CLU: variants seen among roughly 807,000 people sequenced by gnomAD.
CLU encodes the protein clusterin, also known as aging-associated protein 4.
CLU carries 25 observed loss-of-function variants against 46.4 expected under a neutral mutation model. That is an observed-to-expected ratio of 0.54 (90% confidence interval 0.39 to 0.75). CLU has a LOEUF of 0.75. Ranked by LOEUF, CLU falls within the 30% of genes least tolerant of loss-of-function variation. CLU has a pLI of 0.00. For missense variants in CLU, 504 were observed against 592.1 expected (o/e 0.85, Z 1.54); for synonymous variants, 235 against 235.1 (o/e 1.00, Z 0.00).
In CLU at chr8:27,605,242, G is replaced by A; in HGVS notation, c.511C>T (p.His171Tyr). ...TGGTCCTGCATGACATCCAGCATGTGCGTCTGCTGCCGGTCGTTCTCCAGC... is the reference window on the plus strand; with the variant it reads ...TGGTCCTGCATGACATCCAGCATGTACGTCTGCTGCCGGTCGTTCTCCAGC... ...SLLENDRQQT[H>Y]MLDVMQDHFS... The change falls in exon 5 of 9, where the codon CAC becomes TAC. Residue 171 changes from histidine to tyrosine, a missense_variant. Coordinates refer to ENST00000316403, the MANE Select transcript of CLU (RefSeq NM_001831.4). 1.2e-6 allele frequency: 2 copies of A among 1,614,208 alleles called. No individual in the cohort carries two copies. The highest frequency in any genetic ancestry group is 1.7e-6 in the Non-Finnish European group (2 of 1,180,030).
chr8:27,600,074 A>G, intron 6 of CLU, 65 bp from the exon 7 acceptor site: 1 of 1,247,730 alleles, frequency 8.0e-7, no homozygotes, highest in Non-Finnish European at 1.2e-6. Context: ...GGATAGAACC[A>G]TGAATGAATG....
intron 3 of CLU, 141 bp from the exon 4 acceptor site, chr8:27,606,665 CTCCAGTTCAAGCT>C (rs1472632388): frequency 6.5e-5 from 61 of 936,184 alleles, no homozygotes; most frequent in Admixed American, 3.2e-4. Flanking sequence ...CCTACCCTTG[CTCCAGTTCAAGCT>C]TCCCCTCATT....
At chr8:27,611,288 T>G in intron 1 of CLU, 1 of 454,774 alleles carries the variant, frequency 2.2e-6, no homozygotes, top group Non-Finnish European at 4.4e-6. Context: ...ACAATTCCCT[T>G]CGGAGAGTAG....
chr8:27,597,702 C>G lies in CLU; in HGVS notation c.*539G>C. On this transcript the variant is annotated 3_prime_UTR_variant, in exon 9 of 9. Transcript: ENST00000316403. ...TCGCACCTTGGTCAGAATACATCGA[C>G]AGTTTTATAATAGAACAGAAAAGCT... 1 of 454,192 alleles carries G rather than the reference C, an allele frequency of 2.2e-6. No individual in the cohort carries two copies. The highest frequency in any genetic ancestry group is 4.4e-6 in the Non-Finnish European group (1 of 226,882). The allele number at this position is 454,192 out of a possible 1,614,324, so 28.1% of individuals were successfully genotyped here.
intron 1 of CLU, among the ~76,000 whole-genome samples, chr8:27,613,244 G>A (rs539212908): frequency 1.2e-4 from 18 of 152,166 alleles, no homozygotes; most frequent in East Asian, 3.9e-4. Flanking sequence ...AAAATTAGCC[G>A]GATGTAGCAG....
chr8:27,604,783 T>A (rs1295730005), intron 5 of CLU, 141 bp downstream of exon 5: 1 of 1,074,348 alleles, frequency 9.3e-7, no homozygotes, highest in African/African-American at 1.6e-5. Context: ...CCAGCTCAGT[T>A]TTTTTCCTCT....
At chr8:27,598,663 G>C in intron 7 of CLU, 28 bp from the exon 8 acceptor site, 1 of 1,610,692 alleles carries the variant, frequency 6.2e-7, no homozygotes, top group Non-Finnish European at 8.5e-7. Context: ...AAAGGGAAGA[G>C]CTGAAACACT....
At chr8:27,600,097 T>C (rs1800693859) in intron 6 of CLU, 88 bp from the exon 7 acceptor site, 4 of 994,536 alleles carry the variant, frequency 4.0e-6, no homozygotes, top group Non-Finnish European at 6.3e-6. Context: ...AGTTAGCACA[T>C]GCAGCGGGAA....
intron 6 of CLU, 85 bp from the exon 7 acceptor site, chr8:27,600,094 A>T (rs1230293185): frequency 9.7e-7 from 1 of 1,032,348 alleles, no homozygotes; most frequent in Non-Finnish European, 1.5e-6. Flanking sequence ...GGAAGTTAGC[A>T]CATGCAGCGG....
chr8:27,612,119 C>A (rs1431732538), intron 1 of CLU, among the ~76,000 whole-genome samples: 1 of 152,182 alleles, frequency 6.6e-6, no homozygotes, highest in Non-Finnish European at 1.5e-5. Flanking sequence ...GCCTGGGGTC[C>A]CTGGTGAACC....
At chr8:27,612,877 C>T (rs944205930) in intron 1 of CLU, among the ~76,000 whole-genome samples, 2 of 150,990 alleles carry the variant, frequency 1.3e-5, no homozygotes, top group African/African-American at 4.9e-5. Context: ...ACCACTTGGC[C>T]TTGCTCCTTC....
chr8:27,603,732 G>A (rs763261819), intron 6 of CLU, among the ~76,000 whole-genome samples: 15 of 152,282 alleles, frequency 9.9e-5, no homozygotes, highest in Middle Eastern at 3.4e-3. Context: ...AGAACACAGC[G>A]CCCTAGGATT....
At chr8:27,598,409 C>T (rs749620332) in intron 8 of CLU, 51 bp downstream of exon 8, 1 of 1,612,060 alleles carries the variant, frequency 6.2e-7, no homozygotes, top group Middle Eastern at 1.7e-4. Flanking sequence ...TTTGTGGCTC[C>T]CAGAGACTCA....
intron 3 of CLU, 86 bp from the exon 4 acceptor site, chr8:27,606,610 C>T (rs372290032): frequency 2.6e-6 from 4 of 1,550,686 alleles, no homozygotes; most frequent in South Asian, 1.1e-5. Flanking sequence ...GGCCCTCTGC[C>T]CCAGGGCAGG....
intron 7 of CLU, 152 bp from the exon 8 acceptor site, chr8:27,598,787 T>C (rs1474802583): frequency 5.5e-6 from 4 of 725,300 alleles, no homozygotes; most frequent in Non-Finnish European, 7.2e-6. Context: ...CATCTAGACG[T>C]AAGTACAGCT....
chr8:27,606,083 C>T (rs932701746), intron 4 of CLU, among the ~76,000 whole-genome samples: 56 of 152,160 alleles, frequency 3.7e-4, no homozygotes, highest in African/African-American at 1.2e-3. Context: ...TAAGTGGACA[C>T]AGGGCTCTGC....
chr8:27,604,913 C>T lies in CLU; in HGVS notation c.829+11G>A, dbSNP rs1585253566. On this transcript the variant is annotated intron_variant, in intron 5 of 8. Transcript: ENST00000316403. ...TTGCTCAAAAGGCCATGAGCTTCCACCCCTTCTCACCTCGTATGAATTCTG... is the reference window on the plus strand; with the variant it reads ...TTGCTCAAAAGGCCATGAGCTTCCATCCCTTCTCACCTCGTATGAATTCTG... The T allele has an allele frequency of 1.2e-6, 2 of 1,614,164 alleles. No homozygotes were observed. Among genetic ancestry groups the T allele is most frequent in the East Asian group, 2.2e-5 (1 of 44,880 alleles).
At position 27,599,839 on chromosome 8, in the gene CLU, C is replaced by A; in HGVS notation, c.1105G>T (p.Val369Leu). 1 of 1,614,104 alleles carries A rather than the reference C, an allele frequency of 6.2e-7. No individual in the cohort carries two copies. Residue 369 changes from valine to leucine, a missense_variant, in exon 7 of 9, where the codon GTG (valine) becomes TTG (leucine). Around this residue, in one of 3 missense-constraint regions of CLU, gnomAD observed 428 missense variants for 484.0 expected, o/e 0.88. Transcript: ENST00000316403. The surrounding 1 kb of genome is among the most constrained non-coding windows in gnomAD (Gnocchi z 4.0). ...LEQLNEQFNW[V>L]SRLANLTQGE... ...TGCGTGAGGTTTGCCAGCCGGGACACCCAGTTAAACTGCTCGTTCAGCTGC... is the reference window on the plus strand; with the variant it reads ...TGCGTGAGGTTTGCCAGCCGGGACAACCAGTTAAACTGCTCGTTCAGCTGC...
chr8:27,608,797 A>G (rs1585255696), intron 3 of CLU, 141 bp downstream of exon 3: 1 of 873,360 alleles, frequency 1.1e-6, no homozygotes, highest in South Asian at 1.4e-5. Flanking sequence ...CTGCTTCTTA[A>G]TTGCAGCCTC....
Sources: gnomAD v4.1 joint callset for allele counts (sites outside exome capture counted in the v4.1 genomes callset) on GRCh38, gnomAD v4.1.1 for gene constraint, gnomAD v4.1.1 regional missense constraint, Gnocchi (gnomAD v3.1) non-coding constraint, MANE v1.5 for transcripts, NCBI Gene and HGNC (gene_info 2026-07-23, HGNC 2026-07-21) for gene names.